MED27: variants seen among roughly 807,000 people sequenced by gnomAD.
MED27 encodes the protein mediator complex subunit 27.
A neutral mutation model predicts 38.2 loss-of-function variants in MED27; 30 were observed. That is an observed-to-expected ratio of 0.79 (90% CI 0.59 to 1.07). MED27 has a LOEUF of 1.07. Among genes scored for constraint, MED27 ranks in the 50% least tolerant of loss-of-function variants. MED27 has a pLI of 0.00. For synonymous variants in MED27, 122 were observed against 153.5 expected (o/e 0.79, Z 1.52); for missense variants, 289 against 397.5 (o/e 0.73, Z 2.32).
intron 3 of MED27, among the ~76,000 whole-genome samples, chr9:131,968,517 G>A (rs1378062751): frequency 1.3e-5 from 2 of 151,014 alleles, no homozygotes; most frequent in Non-Finnish European, 2.9e-5. Flanking sequence ...GAGGTGAAAG[G>A]GACCCAACCC....
intron 4 of MED27, among the ~76,000 whole-genome samples, chr9:131,899,608 G>A (rs1199367170): frequency 6.6e-6 from 1 of 152,192 alleles, no homozygotes; most frequent in African/African-American, 2.4e-5. Flanking sequence ...GCCTAGGGGT[G>A]CGGTGGACAG....
intron 4 of MED27, among the ~76,000 whole-genome samples, chr9:131,929,915 G>A (rs998549621): frequency 7.2e-5 from 11 of 152,182 alleles, no homozygotes; most frequent in Non-Finnish European, 1.5e-4. Flanking sequence ...TGGTTACAGC[G>A]AGCCTTGGGC....
At chr9:131,896,688 G>C (rs1235729660) in intron 4 of MED27, among the ~76,000 whole-genome samples, 1 of 151,942 alleles carries the variant, frequency 6.6e-6, no homozygotes, top group Non-Finnish European at 1.5e-5. Context: ...TATGGTTTTT[G>C]AATTTCTAAC....
chr9:131,977,504 C>T (rs981364180), intron 3 of MED27, among the ~76,000 whole-genome samples: 8 of 152,096 alleles, frequency 5.3e-5, no homozygotes, highest in Non-Finnish European at 1.0e-4. Context: ...CCAACACAGC[C>T]CTTGTTCCCA....
At chr9:131,914,669 C>T (rs1231593029) in intron 4 of MED27, among the ~76,000 whole-genome samples, 1 of 152,148 alleles carries the variant, frequency 6.6e-6, no homozygotes, top group Admixed American at 6.5e-5. Flanking sequence ...GTAAGGATGT[C>T]TCTTGGTGCA....
In MED27 at chr9:131,924,236, A is replaced by T. The variant is rs978093472; in HGVS notation, c.573+15145T>A. 3.3e-5 allele frequency among the ~76,000 whole-genome samples: 5 copies of T among 152,194 alleles called. No homozygotes were observed. The East Asian group carries it at 9.6e-4, about 29-fold the overall frequency. ...GTTTCCCCACAGCCTTTACCAACAG[A>T]ACCTGTTGTTATGTTTTTTTAATTT... On this transcript the variant is annotated intron_variant, in intron 4 of 7. Transcript: ENST00000292035.
At chr9:132,048,287 T>C (rs1036580457) in intron 2 of MED27, among the ~76,000 whole-genome samples, 1 of 152,172 alleles carries the variant, frequency 6.6e-6, no homozygotes, top group East Asian at 1.9e-4. Context: ...AAAAAAAAAA[T>C]GTTTCTTGAA....
chr9:132,013,495 T>G (rs563341538), intron 3 of MED27, among the ~76,000 whole-genome samples: 9 of 152,316 alleles, frequency 5.9e-5, no homozygotes, highest in African/African-American at 2.2e-4. Context: ...CGGATGTACA[T>G]GAGTGTGAAA....
intron 2 of MED27, among the ~76,000 whole-genome samples, chr9:132,017,811 T>A (rs1483611455): frequency 6.6e-6 from 1 of 152,232 alleles, no homozygotes; most frequent in African/African-American, 2.4e-5. Context: ...AAGCCCTTTC[T>A]AACCAATTAT....
At chr9:132,026,295 C>A (rs2131095519) in intron 2 of MED27, among the ~76,000 whole-genome samples, 1 of 152,312 alleles carries the variant, frequency 6.6e-6, no homozygotes, top group South Asian at 2.1e-4. Flanking sequence ...GCAACTTGTG[C>A]AACACCTCAT....
chr9:132,054,638 G>C (rs1020416209), intron 2 of MED27, among the ~76,000 whole-genome samples: 1 of 151,942 alleles, frequency 6.6e-6, no homozygotes, highest in Non-Finnish European at 1.5e-5. Flanking sequence ...TCAAACTCCT[G>C]GGATCTAGAG....
chr9:131,907,547 TG>T (rs1382748099), intron 4 of MED27, among the ~76,000 whole-genome samples: 11 of 152,288 alleles, frequency 7.2e-5, no homozygotes, highest in African/African-American at 2.6e-4. Context: ...TGGAGTGCAG[TG>T]GCGTGATCTC....
At chr9:132,005,186 CAG>C (rs1347827575) in intron 3 of MED27, among the ~76,000 whole-genome samples, 5 of 152,188 alleles carry the variant, frequency 3.3e-5, no homozygotes, top group Non-Finnish European at 7.3e-5. Flanking sequence ...TCTGACGCCT[CAG>C]ATGAGAAACT....
chr9:131,890,766 T>C (rs1447211573), intron 5 of MED27, among the ~76,000 whole-genome samples: 1 of 152,166 alleles, frequency 6.6e-6, no homozygotes, highest in Non-Finnish European at 1.5e-5. Context: ...TGTGTGGCTG[T>C]GGGCAACGTT....
intron 5 of MED27, among the ~76,000 whole-genome samples, chr9:131,890,876 G>C (rs1212316305): frequency 1.3e-5 from 2 of 152,246 alleles, no homozygotes; most frequent in Non-Finnish European, 2.9e-5. Flanking sequence ...CGTGGGCAAA[G>C]TTCGCTTTGT....
At chr9:131,944,871 G>A (rs1441673233) in intron 3 of MED27, among the ~76,000 whole-genome samples, 1 of 151,720 alleles carries the variant, frequency 6.6e-6, no homozygotes, top group Non-Finnish European at 1.5e-5. Context: ...CCTTGGAGAA[G>A]GTATGAAAAT....
chr9:131,991,737 T>C (rs952467831), intron 3 of MED27, among the ~76,000 whole-genome samples: 3 of 152,224 alleles, frequency 2.0e-5, no homozygotes, highest in Non-Finnish European at 2.9e-5. Flanking sequence ...TATTTATTTA[T>C]TTTAGACGGA....
intron 4 of MED27, among the ~76,000 whole-genome samples, chr9:131,897,375 G>A (rs893305641): frequency 6.6e-6 from 1 of 152,248 alleles, no homozygotes; most frequent in South Asian, 2.1e-4. Context: ...ATGCCAACCA[G>A]AAAGGTATGA....
At chr9:132,013,916 T>G (rs536356932) in intron 3 of MED27, among the ~76,000 whole-genome samples, 10 of 152,182 alleles carry the variant, frequency 6.6e-5, no homozygotes, top group South Asian at 4.2e-4. Flanking sequence ...AAGAAAGAAA[T>G]AATTCTGGGC....
Sources: allele counts gnomAD v4.1 joint callset (sites outside exome capture counted in the v4.1 genomes callset), GRCh38; gene constraint gnomAD v4.1.1; transcripts MANE v1.5; gene names NCBI Gene and HGNC (gene_info 2026-07-23, HGNC 2026-07-21).